Variants in PSMA3 observed in about 807,000 individuals in gnomAD.
PSMA3 encodes the protein proteasome subunit alpha type-3.
A neutral mutation model predicts 40.0 loss-of-function variants in PSMA3; 8 were observed. The ratio of observed to expected loss-of-function variants is 0.20; its 90% confidence interval spans 0.12 to 0.36. The LOEUF (loss-of-function observed/expected upper bound fraction) is 0.36. Among genes scored for constraint, PSMA3 ranks in the 10% least tolerant of loss-of-function variants. The probability of loss-of-function intolerance (pLI) is 1.00; values close to 1 mark genes in which losing one functional copy is unlikely to be tolerated. For missense variants in PSMA3, 219 were observed against 310.6 expected (o/e 0.70, Z 2.22); for synonymous variants, 110 against 100.0 (o/e 1.10, Z -0.59).
intron 10 of PSMA3, 23 bp from the exon 11 acceptor site, chr14:58,271,828 A>G (rs776629478): frequency 3.2e-6 from 5 of 1,577,188 alleles, no homozygotes; most frequent in East Asian, 4.5e-5. Context: ...AATCAATTTT[A>G]AACACCTGTT....
rs762361464 is a variant in PSMA3 at position 58,244,895 on chromosome 14, C to T, written c.-26C>T. ...GGGAAGCGCTCCGGGCCTGGAATCC[C>T]TACGCGTCCCTTTGGGTTTAGCACG... On this transcript the variant is annotated 5_prime_UTR_variant, in exon 1 of 11. Transcript: ENST00000216455. The T allele has an allele frequency of 1.1e-5, 18 of 1,614,072 alleles. No homozygotes were observed. The South Asian group carries it at 1.9e-4, about 17-fold the overall frequency.
At chr14:58,259,728 G>A (rs74055603) in intron 5 of PSMA3, among the ~76,000 whole-genome samples, 2,090 of 152,294 alleles carry the variant, frequency 0.014, 44 homozygotes, top group African/African-American at 0.048. Flanking sequence ...CAACAATTAG[G>A]GAACGGACTC....
chr14:58,269,302 T>C (rs1260233301), intron 8 of PSMA3, among the ~76,000 whole-genome samples: 1 of 152,122 alleles, frequency 6.6e-6, no homozygotes. Context: ...ATTTGTAAGG[T>C]ACTACAATGT....
intron 3 of PSMA3, among the ~76,000 whole-genome samples, chr14:58,253,174 A>G (rs1438339173): frequency 6.6e-6 from 1 of 152,054 alleles, no homozygotes; most frequent in Non-Finnish European, 1.5e-5. Context: ...TAGTAAAGGC[A>G]GGGTTTCACC....
Position 58,252,170 on chromosome 14 carries a change from A to G in PSMA3, c.156A>G (p.Lys52=), listed in dbSNP as rs1376033564. 6.2e-7 allele frequency: 1 copy of G among 1,613,658 alleles called. No individual in the cohort carries two copies. ...CKDGVVFGVE[K]LVLSKLYEEG... ...ATGGTGTTGTCTTTGGGGTAGAAAA[A>G]TTAGTCCTTTCTAAACTTTATGAAG... is the stretch of plus-strand genomic sequence containing the variant. Residue 52 remains lysine, a synonymous_variant, in exon 3 of 11, where the codon AAA becomes AAG. Coordinates refer to ENST00000216455, the MANE Select transcript of PSMA3 (RefSeq NM_002788.4).
intron 2 of PSMA3, among the ~76,000 whole-genome samples, chr14:58,251,462 C>T (rs1890008660): frequency 6.6e-6 from 1 of 152,028 alleles, no homozygotes; most frequent in African/African-American, 2.4e-5. Context: ...AGCCAGGTTT[C>T]GCCATGTTGC....
intron 3 of PSMA3, among the ~76,000 whole-genome samples, chr14:58,256,742 C>T (rs1005460814): frequency 6.6e-6 from 1 of 152,042 alleles, no homozygotes; most frequent in African/African-American, 2.4e-5. Context: ...CATGTTGGCA[C>T]TCAAAAAGTT....
intron 3 of PSMA3, among the ~76,000 whole-genome samples, chr14:58,257,101 CAAAA>C (rs60421135): frequency 2.5e-4 from 26 of 104,682 alleles, no homozygotes; most frequent in Admixed American, 3.9e-4. Flanking sequence ...GACTCTGTCT[CAAAA>C]AAAAAAAAAA....
At chr14:58,249,140 A>T (rs1889943699) in intron 2 of PSMA3, among the ~76,000 whole-genome samples, 1 of 151,834 alleles carries the variant, frequency 6.6e-6, no homozygotes, top group Admixed American at 6.6e-5. Flanking sequence ...TTGTATTTTT[A>T]GTAGAGACAG....
intron 3 of PSMA3, among the ~76,000 whole-genome samples, chr14:58,254,912 CATGTAAT>C (rs776368456): frequency 3.9e-5 from 6 of 152,136 alleles, no homozygotes; most frequent in Non-Finnish European, 8.8e-5. Context: ...AAATGCTTAA[CATGTAAT>C]GAGTGCTCAG....
intron 1 of PSMA3, among the ~76,000 whole-genome samples, chr14:58,247,463 C>A (rs553254416): frequency 6.6e-6 from 1 of 152,366 alleles, no homozygotes; most frequent in Non-Finnish European, 1.5e-5. Context: ...GCTGGTTCTA[C>A]TGCCCCATAT....
intron 8 of PSMA3, 79 bp downstream of exon 8, chr14:58,267,599 A>T: frequency 7.3e-7 from 1 of 1,361,658 alleles, no homozygotes; most frequent in Non-Finnish European, 9.5e-7. Flanking sequence ...AATCCTAAGA[A>T]GCTGTTTTCC....
chr14:58,249,634 C>G (rs1326801681), intron 2 of PSMA3, among the ~76,000 whole-genome samples: 2 of 152,034 alleles, frequency 1.3e-5, no homozygotes, highest in Non-Finnish European at 2.9e-5. Flanking sequence ...TCCCTCAGCC[C>G]CACAAGGTAG....
chr14:58,244,914 T>G lies in PSMA3; in HGVS notation c.-7T>G. 1 of 1,614,188 alleles carries G rather than the reference T, an allele frequency of 6.2e-7. No individual in the cohort carries two copies. Among genetic ancestry groups the G allele is most frequent in the Non-Finnish European group, 8.5e-7 (1 of 1,180,024 alleles). On this transcript the variant is annotated 5_prime_UTR_variant, in exon 1 of 11. Coordinates refer to ENST00000216455, the MANE Select transcript of PSMA3 (RefSeq NM_002788.4). Reference sequence around the variant, plus strand: ...GAATCCCTACGCGTCCCTTTGGGTTTAGCACGATGAGCTCAATCGGCACTG... The same window carrying G: ...GAATCCCTACGCGTCCCTTTGGGTTGAGCACGATGAGCTCAATCGGCACTG...
At chr14:58,271,057 A>T in intron 10 of PSMA3, 59 bp downstream of exon 10, 1 of 1,316,982 alleles carries the variant, frequency 7.6e-7, no homozygotes, top group Non-Finnish European at 1.1e-6. Flanking sequence ...CACTTAGCCC[A>T]GGAGTTTGAG....
intron 5 of PSMA3, 180 bp downstream of exon 5, chr14:58,258,178 C>T (rs1296259569): frequency 1.8e-6 from 1 of 541,000 alleles, no homozygotes; most frequent in Non-Finnish European, 3.3e-6. Flanking sequence ...TGGCTCAAGC[C>T]TGTAATCCCA....
intron 6 of PSMA3, 88 bp downstream of exon 6, chr14:58,261,108 TAAAA>T: frequency 6.7e-6 from 6 of 898,426 alleles, no homozygotes; most frequent in Admixed American, 2.7e-5. Context: ...TATATGAAAT[TAAAA>T]AAAAACTCAT....
intron 3 of PSMA3, among the ~76,000 whole-genome samples, chr14:58,255,178 T>A (rs1350834828): frequency 3.3e-5 from 3 of 91,998 alleles, no homozygotes; most frequent in Admixed American, 2.3e-4. Flanking sequence ...CCTAAAAACT[T>A]AGTAGCCGTT....
At chr14:58,264,579 C>A (rs1456920771) in intron 7 of PSMA3, 1 of 147,200 alleles carries the variant, frequency 6.8e-6, no homozygotes, top group Non-Finnish European at 1.5e-5. Context: ...TACAATTTCA[C>A]ATACATTTAA....
Sources: gnomAD v4.1 joint callset for allele counts (sites outside exome capture counted in the v4.1 genomes callset) on GRCh38, gnomAD v4.1.1 for gene constraint, MANE v1.5 for transcripts, NCBI Gene and HGNC (gene_info 2026-07-23, HGNC 2026-07-21) for gene names.